Variants in SUMF1 observed in about 807,000 individuals in gnomAD.
SUMF1 encodes formylglycine-generating enzyme.
In SUMF1, 48 loss-of-function variants were observed where a neutral mutation model predicts 47.6. The ratio of observed to expected loss-of-function variants is 1.01; its 90% CI spans 0.80 to 1.28. SUMF1 has a LOEUF of 1.28. SUMF1 is among the 50% of genes most tolerant of loss of function. The pLI is 0.00. For missense variants in SUMF1, 571 were observed against 485.4 expected (o/e 1.18, Z -1.66); for synonymous variants, 230 against 192.1 (o/e 1.20, Z -1.63).
chr3:4,236,589 CTAAA>C (rs991939830), intron 8 of SUMF1, among the ~76,000 whole-genome samples: 6 of 151,750 alleles, frequency 4.0e-5, no homozygotes, highest in Admixed American at 6.6e-5. Flanking sequence ...CCCCCCATCT[CTAAA>C]TAAATAAATA....
intron 3 of SUMF1, among the ~76,000 whole-genome samples, chr3:4,426,666 G>A (rs1344171861): frequency 2.6e-5 from 4 of 152,192 alleles, no homozygotes; most frequent in Non-Finnish European, 5.9e-5. Context: ...ATAGTGTTCA[G>A]GTGTGTTGTT....
intron 8 of SUMF1, among the ~76,000 whole-genome samples, chr3:4,198,079 A>T (rs1011129886): frequency 6.0e-5 from 9 of 150,944 alleles, no homozygotes; most frequent in African/African-American, 2.2e-4. Context: ...CAAATGAAAA[A>T]TGTATTCAAT....
chr3:4,411,208 A>G (rs894387687), intron 6 of SUMF1, among the ~76,000 whole-genome samples: 1 of 152,172 alleles, frequency 6.6e-6, no homozygotes, highest in African/African-American at 2.4e-5. Context: ...ATTAAATGGT[A>G]TGAAAGTCAG....
intron 8 of SUMF1, among the ~76,000 whole-genome samples, chr3:4,113,142 C>A (rs560783563): frequency 6.6e-6 from 1 of 152,200 alleles, no homozygotes; most frequent in East Asian, 1.9e-4. Context: ...GTGTAATAAT[C>A]AAGCCAAGGT....
At chr3:4,455,262 G>A (rs1221983319) in intron 1 of SUMF1, among the ~76,000 whole-genome samples, 3 of 151,898 alleles carry the variant, frequency 2.0e-5, no homozygotes, top group South Asian at 2.1e-4. Context: ...AGAATAAAAC[G>A]GATCATAAGA....
At chr3:4,452,380 G>A (rs1703004239) in intron 2 of SUMF1, among the ~76,000 whole-genome samples, 2 of 152,136 alleles carry the variant, frequency 1.3e-5, no homozygotes, top group African/African-American at 4.8e-5. Context: ...TTGTCAAGGT[G>A]TTGGAATAAA....
intron 7 of SUMF1, among the ~76,000 whole-genome samples, chr3:4,393,567 A>C (rs1700945590): frequency 6.6e-6 from 1 of 152,114 alleles, no homozygotes; most frequent in Non-Finnish European, 1.5e-5. Flanking sequence ...TCCTGGCCTC[A>C]AGAGATCATC....
At chr3:4,125,385 TTTA>T (rs5846311) in intron 8 of SUMF1, among the ~76,000 whole-genome samples, 38,678 of 151,828 alleles carry the variant, frequency 0.25, 5,752 homozygotes, top group East Asian at 0.4. Flanking sequence ...AGCACTATGC[TTTA>T]TTATCTTTAC....
intron 8 of SUMF1, among the ~76,000 whole-genome samples, chr3:4,148,887 C>CCT (rs1385587674): frequency 6.6e-5 from 10 of 152,204 alleles, no homozygotes; most frequent in Non-Finnish European, 1.3e-4. Context: ...CGTTTACTTA[C>CCT]CCAAATTCAA....
intron 9 of SUMF1, among the ~76,000 whole-genome samples, chr3:4,036,706 T>A (rs1262846359): frequency 6.6e-6 from 1 of 151,704 alleles, no homozygotes; most frequent in Non-Finnish European, 1.5e-5. Context: ...ACTAACATGA[T>A]AATCTATTCT....
chr3:4,455,717 AAAT>A (rs147483904), intron 1 of SUMF1, among the ~76,000 whole-genome samples: 9 of 151,572 alleles, frequency 5.9e-5, no homozygotes, highest in East Asian at 3.9e-4. Context: ...ACTCCGTTTC[AAAT>A]AATAATAATA....
chr3:4,142,061 A>G (rs1694082819), intron 8 of SUMF1, among the ~76,000 whole-genome samples: 1 of 152,190 alleles, frequency 6.6e-6, no homozygotes, highest in African/African-American at 2.4e-5. Context: ...ATTAAAAGAC[A>G]AAAGTATCTC....
intron 8 of SUMF1, among the ~76,000 whole-genome samples, chr3:4,215,814 C>T (rs993324618): frequency 6.6e-6 from 1 of 152,030 alleles, no homozygotes; most frequent in Non-Finnish European, 1.5e-5. Context: ...AAAAAAATAC[C>T]TAGGAATACA....
At chr3:4,215,465 T>C (rs1695901529) in intron 8 of SUMF1, among the ~76,000 whole-genome samples, 1 of 152,176 alleles carries the variant, frequency 6.6e-6, no homozygotes, top group Non-Finnish European at 1.5e-5. Flanking sequence ...GCTGAAAGCA[T>C]TCCTTTTGAA....
chr3:4,061,667 G>A (rs1394964225), intron 9 of SUMF1, among the ~76,000 whole-genome samples: 1 of 152,056 alleles, frequency 6.6e-6, no homozygotes, highest in South Asian at 2.1e-4. Flanking sequence ...GGTAATAATG[G>A]GGTGGTGGGG....
chr3:4,317,383 T>A, intron 8 of SUMF1: 2 of 676,472 alleles, frequency 3.0e-6, no homozygotes, highest in South Asian at 2.0e-5. Context: ...ACGGACTTTA[T>A]TAAGAATGTA....
At chr3:4,455,711 C>A (rs971808135) in intron 1 of SUMF1, among the ~76,000 whole-genome samples, 7 of 151,750 alleles carry the variant, frequency 4.6e-5, no homozygotes, top group African/African-American at 1.7e-4. Context: ...AGCAAGACTC[C>A]GTTTCAAATA....
intron 8 of SUMF1, among the ~76,000 whole-genome samples, chr3:4,289,655 T>A (rs1697702237): frequency 6.6e-6 from 1 of 152,184 alleles, no homozygotes; most frequent in Non-Finnish European, 1.5e-5. Context: ...CTTTTCCTTT[T>A]GTCAACTGGA....
chr3:4,162,767 C>T (rs74512545), intron 8 of SUMF1, among the ~76,000 whole-genome samples: 8 of 152,106 alleles, frequency 5.3e-5, no homozygotes, highest in Non-Finnish European at 1.2e-4. Context: ...AAGTTAAAAC[C>T]AGGTACTGTG....
Sources: gnomAD v4.1 joint callset for allele counts (sites outside exome capture counted in the v4.1 genomes callset) on GRCh38, gnomAD v4.1.1 for gene constraint, MANE v1.5 for transcripts, NCBI Gene and HGNC (gene_info 2026-07-23, HGNC 2026-07-21) for gene names.